DMD: variants seen among roughly 807,000 people sequenced by gnomAD.
DMD encodes the protein mutant dystrophin.
DMD carries 63 observed loss-of-function variants against 330.1 expected under a neutral mutation model. That is an observed-to-expected ratio of 0.19 (90% CI 0.16 to 0.24). DMD has a LOEUF of 0.24. Ranked by LOEUF, DMD falls within the 10% of genes least tolerant of loss-of-function variation. The pLI, the probability that DMD is intolerant of heterozygous loss-of-function variation, is 1.00. For synonymous variants in DMD, 1,223 were observed against 959.8 expected (o/e 1.27, Z -5.07); for missense variants, 3,344 against 2,684.1 (o/e 1.25, Z -5.43).
intron 44 of DMD, among the ~76,000 whole-genome samples, chrX:32,191,187 C>T (rs2096973728): frequency 9.0e-6 from 1 of 111,561 alleles, no homozygotes; most frequent in African/African-American, 3.3e-5. Context: ...ATGTCACCCC[C>T]CACTTTAGCT....
At chrX:32,422,205 A>C (rs912624269) in intron 29 of DMD, among the ~76,000 whole-genome samples, 2 of 111,618 alleles carry the variant, frequency 1.8e-5, no homozygotes, top group Admixed American at 1.9e-4. Context: ...ACCTTAGCAA[A>C]GTGCACCTTA....
At chrX:31,178,257 CTT>C (rs751605676) in intron 70 of DMD, 1 of 750,146 alleles carries the variant, frequency 1.3e-6, no homozygotes, top group Admixed American at 8.8e-5. Flanking sequence ...ACTATATTTT[CTT>C]TTGAGTAGAA....
chrX:32,697,458 G>A (rs6631626), intron 9 of DMD, among the ~76,000 whole-genome samples: 15,747 of 111,370 alleles, frequency 0.14, 2,613 homozygotes, highest in African/African-American at 0.48. Flanking sequence ...CACTTAGAAT[G>A]TATGTATTTC....
chrX:32,932,940 T>A (rs749614686), intron 2 of DMD, among the ~76,000 whole-genome samples: 8 of 111,803 alleles, frequency 7.2e-5, no homozygotes, highest in African/African-American at 2.6e-4. Flanking sequence ...AACTATATAT[T>A]TTTTTTCAGA....
rs775540755 is a variant in DMD at position 32,171,281 on chromosome X, G to A, written c.6438+45635C>T. On this transcript the variant is annotated intron_variant, in intron 44 of 78. Coordinates refer to ENST00000357033, the MANE Select transcript of DMD (RefSeq NM_004006.3). ...GTAAAATTAAACATCTGTTAATACGGCTGACACAGAAAAACACAGTCAGAT... is the reference window on the plus strand; with the variant it reads ...GTAAAATTAAACATCTGTTAATACGACTGACACAGAAAAACACAGTCAGAT... 2.7e-5 allele frequency among the ~76,000 whole-genome samples: 3 copies of A among 111,514 alleles called. No individual in the cohort carries two copies. In the South Asian group the frequency reaches 1.1e-3, roughly 42 times the overall value.
chrX:32,130,469 C>T (rs1440783936), intron 44 of DMD, among the ~76,000 whole-genome samples: 1 of 111,443 alleles, frequency 9.0e-6, no homozygotes. Flanking sequence ...CATAATTTAA[C>T]TATAGATCAT....
chrX:33,193,152 TA>T (rs1331421999), intron 1 of DMD, among the ~76,000 whole-genome samples: 1 of 110,900 alleles, frequency 9.0e-6, no homozygotes, highest in African/African-American at 3.3e-5. Context: ...ACTAAAAATA[TA>T]AAAATTAGGC....
Position 31,178,724 on chromosome X carries a change from G to T in DMD, c.10168C>A (p.Pro3390Thr). ...FRTKRYFAKHPRMGYLPVQTV... is the reference protein window; with the variant it reads ...FRTKRYFAKHTRMGYLPVQTV... ...TGCACTGGCAGGTAGCCCATTCGGG[G>T]ATGCTTCGCAAAATACCTTTTGGTT... The change falls in exon 70 of 79, where the codon CCC (proline) becomes ACC (threonine). Residue 3390 changes from proline to threonine, a missense_variant. Transcript: ENST00000357033. 1.7e-6 allele frequency: 2 copies of T among 1,211,057 alleles called. No homozygotes were observed. The highest frequency in any genetic ancestry group is 3.5e-5 in the South Asian group (2 of 56,950).
intron 44 of DMD, among the ~76,000 whole-genome samples, chrX:32,110,232 T>A (rs1173697463): frequency 1.8e-5 from 2 of 112,037 alleles, no homozygotes; most frequent in Admixed American, 9.5e-5. Context: ...AAATGTTTAA[T>A]TCTGCAACAC....
intron 30 of DMD, among the ~76,000 whole-genome samples, chrX:32,402,635 TAAA>T (rs941848747): frequency 1.8e-5 from 2 of 111,585 alleles, no homozygotes; most frequent in African/African-American, 6.5e-5. Context: ...GTATAATCCT[TAAA>T]AACTAGGTAA....
chrX:33,277,150 G>A, intron 1 of DMD, among the ~76,000 whole-genome samples: 1 of 111,204 alleles, frequency 9.0e-6, no homozygotes. Context: ...ACATTATGCT[G>A]AGTGAAATAA....
chrX:32,844,600 G>C (rs899498363), intron 4 of DMD, among the ~76,000 whole-genome samples, 183 bp downstream of exon 4: 1 of 111,408 alleles, frequency 9.0e-6, no homozygotes, highest in Non-Finnish European at 1.9e-5. Flanking sequence ...GCATGCATTT[G>C]CTTCCTGAAT....
At chrX:32,438,724 G>A (rs1048336866) in intron 28 of DMD, among the ~76,000 whole-genome samples, 5 of 111,614 alleles carry the variant, frequency 4.5e-5, no homozygotes, top group Non-Finnish European at 5.6e-5. Context: ...TGGTGTCCAC[G>A]TGACACAATT....
intron 62 of DMD, among the ~76,000 whole-genome samples, chrX:31,301,140 G>T (rs1192750477): frequency 2.7e-5 from 3 of 111,595 alleles, no homozygotes; most frequent in Non-Finnish European, 3.8e-5. Flanking sequence ...CCAACCTTTT[G>T]CAAGCTTCTT....
intron 1 of DMD, among the ~76,000 whole-genome samples, chrX:33,087,335 A>G (rs777804001): frequency 8.9e-6 from 1 of 112,538 alleles, no homozygotes; most frequent in South Asian, 3.7e-4. Flanking sequence ...TTGAAAATTC[A>G]TTGGTAGCAT....
In DMD at chrX:31,177,947, C is replaced by T. The variant is rs201217593; in HGVS notation, c.10247G>A (p.Trp3416Ter). 5.0e-6 allele frequency: 6 copies of T among 1,206,155 alleles called. No homozygotes were observed. Among genetic ancestry groups the T allele is most frequent in the African/African-American group, 3.5e-5 (2 of 56,895 alleles). The change falls in exon 71 of 79, where the codon TGG becomes TAG. Residue 3416 changes from tryptophan (W) to a stop codon, truncating the protein, a stop_gained. Transcript: ENST00000357033. LOFTEE classifies it high-confidence loss of function. ...METPVTLINF[W>*]PVDSAPASSP... Reference sequence around the variant, plus strand: ...AAGTACTCACGCAGAATCTACTGGCCAGAAGTTGATCAGAGTAACGGGACT... The same window carrying T: ...AAGTACTCACGCAGAATCTACTGGCTAGAAGTTGATCAGAGTAACGGGACT...
At chrX:32,687,370 T>G (rs756293868) in intron 9 of DMD, among the ~76,000 whole-genome samples, 8 of 111,987 alleles carry the variant, frequency 7.1e-5, no homozygotes, top group Non-Finnish European at 1.3e-4. Flanking sequence ...TACATGTTAT[T>G]CTTCGGATGT....
chrX:31,506,498 C>T (rs1439464310), intron 56 of DMD, among the ~76,000 whole-genome samples: 2 of 111,912 alleles, frequency 1.8e-5, no homozygotes, highest in South Asian at 3.7e-4. Context: ...GCTTTCATTC[C>T]CCGCCCTTGC....
At chrX:32,460,401 C>A (rs1280531600) in intron 25 of DMD, among the ~76,000 whole-genome samples, 2 of 109,849 alleles carry the variant, frequency 1.8e-5, no homozygotes, top group Non-Finnish European at 3.8e-5. Flanking sequence ...TCCCTACCTG[C>A]TTCCACTTCA....
Sources: allele counts gnomAD v4.1 joint callset (sites outside exome capture counted in the v4.1 genomes callset), GRCh38; gene constraint gnomAD v4.1.1; transcripts MANE v1.5; gene names NCBI Gene and HGNC (gene_info 2026-07-23, HGNC 2026-07-21).